FN3KRP: variants seen among roughly 807,000 people sequenced by gnomAD.
The protein encoded by FN3KRP is ketosamine-3-kinase.
Under a neutral mutation model 29.8 loss-of-function variants are expected in FN3KRP, and 33 were observed. The observed-to-expected ratio is 1.11, with a 90% CI of 0.84 to 1.48. The LOEUF is 1.48. Among genes scored for constraint, FN3KRP ranks in the 40% most tolerant of loss-of-function variants. The pLI, the probability that FN3KRP is intolerant of heterozygous loss-of-function variation, is 0.00. For synonymous variants in FN3KRP, 157 were observed against 155.2 expected, an observed-to-expected ratio of 1.01 and a Z score of -0.09; for missense variants, 430 against 402.6, an observed-to-expected ratio of 1.07 and a Z score of -0.58.
Position 82,722,880 on chromosome 17 carries a change from C to T in FN3KRP, c.462C>T (p.Leu154=), listed in dbSNP as rs753708144. ...GFDVVTCCGY[L]PQVNDWQEDW... is the part of the protein sequence containing the mutation. ...ACGTGGTGACGTGCTGTGGATACCT[C>T]CCCCAGGTGAGTGCACGGCGTTTGC... is the stretch of plus-strand genomic sequence containing the variant. Residue 154 remains leucine (L), a synonymous_variant, in exon 4 of 6, where the codon CTC becomes CTT. Coordinates refer to ENST00000269373, the MANE Select transcript of FN3KRP (RefSeq NM_024619.4). 2 of 1,613,748 alleles carry T rather than the reference C, an allele frequency of 1.2e-6. No homozygotes were observed. The highest frequency in any genetic ancestry group is 1.7e-5 in the Admixed American group (1 of 59,972).
At chr17:82,721,660 G>A (rs1168166687) in intron 3 of FN3KRP, among the ~76,000 whole-genome samples, 1 of 151,186 alleles carries the variant, frequency 6.6e-6, no homozygotes, top group Non-Finnish European at 1.5e-5. Context: ...CTGCCACCAC[G>A]CCTGGCTAAT....
At chr17:82,724,799 T>C (rs1288725683) in intron 4 of FN3KRP, among the ~76,000 whole-genome samples, 1 of 151,878 alleles carries the variant, frequency 6.6e-6, no homozygotes, top group African/African-American at 2.4e-5. Flanking sequence ...AACGTGGCAA[T>C]GCCTATCAAA....
intron 4 of FN3KRP, among the ~76,000 whole-genome samples, chr17:82,725,091 A>T (rs2046827861): frequency 6.6e-6 from 1 of 151,954 alleles, no homozygotes; most frequent in Non-Finnish European, 1.5e-5. Context: ...GATTACAGGC[A>T]TGAGCCACCG....
intron 4 of FN3KRP, among the ~76,000 whole-genome samples, chr17:82,724,860 G>A (rs2046826135): frequency 6.6e-6 from 1 of 152,018 alleles, no homozygotes; most frequent in Non-Finnish European, 1.5e-5. Context: ...CCAGGCTGGA[G>A]TGCAGTGGTG....
Position 82,717,240 on chromosome 17 carries a change from C to T in FN3KRP, c.141+344C>T, listed in dbSNP as rs1598331423. Reference sequence around the variant, plus strand: ...GCAGTCTTGCTCCCGGGGTTCCTGCCCTGCGGTGCTGGTTAAGTGGGGTCG... The same window carrying T: ...GCAGTCTTGCTCCCGGGGTTCCTGCTCTGCGGTGCTGGTTAAGTGGGGTCG... On this transcript the variant is annotated intron_variant, in intron 1 of 5. Coordinates refer to ENST00000269373, the MANE Select transcript of FN3KRP (RefSeq NM_024619.4). Among the ~76,000 whole-genome samples, 3 of 152,252 alleles carry T rather than the reference C, an allele frequency of 2.0e-5. No individual in the cohort carries two copies. In the East Asian group the frequency reaches 5.8e-4, roughly 29 times the overall value.
chr17:82,722,224 TC>T (rs1301112692), intron 3 of FN3KRP, among the ~76,000 whole-genome samples: 1 of 152,054 alleles, frequency 6.6e-6, no homozygotes, highest in Non-Finnish European at 1.5e-5. Flanking sequence ...AACCTCCGCC[TC>T]CCGGGTTCAA....
intron 5 of FN3KRP, 95 bp downstream of exon 5, chr17:82,726,697 C>G (rs1305308612): frequency 3.9e-6 from 6 of 1,525,258 alleles, no homozygotes; most frequent in Non-Finnish European, 5.3e-6. Flanking sequence ...ACCTCTGAGT[C>G]TGATTCTGGG....
At chr17:82,722,555 G>T in intron 3 of FN3KRP, 1 of 469,066 alleles carries the variant, frequency 2.1e-6, no homozygotes, top group Non-Finnish European at 3.8e-6. Flanking sequence ...CTCGGGAGCA[G>T]CTAGTGTCTT....
At chr17:82,726,187 A>G (rs1049644397) in intron 4 of FN3KRP, among the ~76,000 whole-genome samples, 3 of 151,926 alleles carry the variant, frequency 2.0e-5, no homozygotes, top group Non-Finnish European at 2.9e-5. Flanking sequence ...TCTCAGAAAA[A>G]AGAAAAAGAA....
intron 5 of FN3KRP, 112 bp downstream of exon 5, chr17:82,726,714 G>C: frequency 6.6e-7 from 1 of 1,513,844 alleles, no homozygotes; most frequent in Non-Finnish European, 8.9e-7. Context: ...TGGGTGGGAA[G>C]CGGGTGCCTG....
At chr17:82,719,140 A>C (rs1260755249) in intron 2 of FN3KRP, 83 bp downstream of exon 2, 33 of 1,270,904 alleles carry the variant, frequency 2.6e-5, no homozygotes, top group Non-Finnish European at 3.3e-5. Context: ...GTGTGTCTTC[A>C]CACCACCCAC....
chr17:82,718,671 C>A, intron 1 of FN3KRP: 1 of 1,267,746 alleles, frequency 7.9e-7, no homozygotes, highest in South Asian at 1.9e-5. Flanking sequence ...AACCACAGCA[C>A]ACAAGTGTAG....
intron 2 of FN3KRP, 72 bp downstream of exon 2, chr17:82,719,129 T>C (rs2247055): frequency 1 from 1,405,674 of 1,409,626 alleles, 700,936 homozygotes; most frequent in East Asian, 1. Context: ...TGTTTTATTA[T>C]GTGTGTCTTC....
At chr17:82,723,555 G>A (rs547376317) in intron 4 of FN3KRP, among the ~76,000 whole-genome samples, 56 of 151,530 alleles carry the variant, frequency 3.7e-4, no homozygotes, top group Non-Finnish European at 7.1e-4. Context: ...ACGTCTGTGC[G>A]CATATGTGTA....
chr17:82,718,816 T>C (rs2046777560), intron 1 of FN3KRP, 90 bp from the exon 2 acceptor site: 1 of 1,468,298 alleles, frequency 6.8e-7, no homozygotes, highest in Non-Finnish European at 9.3e-7. Context: ...GGTTTGAAGT[T>C]GTAATGCTAG....
chr17:82,716,809 C>A lies in FN3KRP; in HGVS notation c.54C>A (p.Gly18=). The change falls in exon 1 of 6, where the codon GGC becomes GGA. Residue 18 remains glycine, a synonymous_variant. Transcript: ENST00000269373. ...ELGCSSVRAT[G]HSGGGCISQG... ...GCTGCAGCTCTGTCAGGGCCACGGG[C>A]CACTCGGGGGGCGGGTGCATCAGCC... 5.8e-6 allele frequency: 9 copies of A among 1,552,296 alleles called. No individual in the cohort carries two copies. The highest frequency in any genetic ancestry group is 7.8e-6 in the Non-Finnish European group (9 of 1,155,598).
rs2046845489 is a variant in FN3KRP, at chr17:82,727,266, C to T, written c.*95C>T. 17 of 1,064,950 alleles carry T rather than the reference C, an allele frequency of 1.6e-5. No individual in the cohort carries two copies. The South Asian group carries it at 2.3e-4, about 14-fold the overall frequency. 66.0% of individuals were successfully genotyped at this position (1,064,950 alleles called of 1,614,324 possible). On this transcript the variant is annotated 3_prime_UTR_variant, in exon 6 of 6. Transcript: ENST00000269373. ...TTCACATGCTGGACTAGCTTAAGAC[C>T]AATGCAGTAGCTTATTTCCAAGCCT...
In FN3KRP at chr17:82,716,712, A is replaced by T. The variant is rs1265926178; in HGVS notation, c.-44A>T. On this transcript the variant is annotated 5_prime_UTR_variant, in exon 1 of 6. Coordinates refer to ENST00000269373, the MANE Select transcript of FN3KRP (RefSeq NM_024619.4). The stretch of plus-strand genomic sequence containing the variant: ...TTGCCCGCTCGGCCGCCGTCTCTCG[A>T]GTCTCCGCCAGATCCGGGGCGGGTC... 6.9e-7 allele frequency: 1 copy of T among 1,441,448 alleles called. No homozygotes were observed. Among genetic ancestry groups the T allele is most frequent in the Admixed American group, 3.4e-5 (1 of 29,336 alleles). 89.3% of individuals were successfully genotyped at this position (1,441,448 alleles called of 1,614,324 possible).
chr17:82,720,906 G>A (rs1160357782), intron 3 of FN3KRP: 2 of 152,866 alleles, frequency 1.3e-5, no homozygotes, highest in African/African-American at 4.8e-5. Flanking sequence ...AGGAGACGGA[G>A]ACATGCTGTT....
Sources: gnomAD v4.1 joint callset for allele counts (sites outside exome capture counted in the v4.1 genomes callset) on GRCh38, gnomAD v4.1.1 for gene constraint, MANE v1.5 for transcripts, NCBI Gene and HGNC (gene_info 2026-07-23, HGNC 2026-07-21) for gene names.